Variants in NTNG1 observed in about 807,000 individuals in gnomAD.
NTNG1 encodes the protein netrin-G1.
Under a neutral mutation model 54.0 loss-of-function variants are expected in NTNG1, and 16 were observed. The observed-to-expected ratio is 0.30, with a 90% CI of 0.20 to 0.45. The LOEUF (loss-of-function observed/expected upper bound fraction) is 0.45. Ranked by LOEUF, NTNG1 falls within the 20% of genes least tolerant of loss-of-function variation. NTNG1 has a pLI of 1.00. For synonymous variants in NTNG1, 255 were observed against 263.1 expected, an observed-to-expected ratio of 0.97 and a Z score of 0.30; for missense variants, 530 against 678.7, an observed-to-expected ratio of 0.78 and a Z score of 2.43.
intron 3 of NTNG1, among the ~76,000 whole-genome samples, chr1:107,328,307 C>T (rs928425185): frequency 2.1e-4 from 32 of 152,048 alleles, no homozygotes; most frequent in African/African-American, 6.8e-4. Context: ...AATTAAAGAG[C>T]GGCTCTCTTA....
At chr1:107,223,236 G>T (rs1039275683) in intron 2 of NTNG1, among the ~76,000 whole-genome samples, 2 of 151,972 alleles carry the variant, frequency 1.3e-5, no homozygotes, top group Non-Finnish European at 2.9e-5. Context: ...AAAAGGAGGC[G>T]AGAACACGCA....
chr1:107,377,885 G>A (rs1243679296), intron 3 of NTNG1, among the ~76,000 whole-genome samples: 2 of 152,182 alleles, frequency 1.3e-5, no homozygotes, highest in Non-Finnish European at 2.9e-5. Flanking sequence ...CAGGATCAGG[G>A]CATTCCCAAC....
intron 2 of NTNG1, among the ~76,000 whole-genome samples, chr1:107,195,252 C>T (rs2101230016): frequency 6.6e-6 from 1 of 152,052 alleles, no homozygotes; most frequent in Non-Finnish European, 1.5e-5. Context: ...GCATCTGCCC[C>T]ATTAATAAAT....
chr1:107,461,624 C>T (rs991808714), intron 7 of NTNG1, among the ~76,000 whole-genome samples: 6 of 151,826 alleles, frequency 4.0e-5, no homozygotes, highest in Admixed American at 3.9e-4. Context: ...ACCTCTGCCT[C>T]CCGGGTTCAA....
chr1:107,480,576 G>GCCCCCCC, intron 7 of NTNG1, 35 bp from the exon 8 acceptor site: 4 of 339,098 alleles, frequency 1.2e-5, no homozygotes, highest in South Asian at 3.6e-5. Context: ...TCCTCCCCGC[G>GCCCCCCC]CCCACCCACC....
At chr1:107,418,450 G>T in intron 5 of NTNG1, 1 of 563,768 alleles carries the variant, frequency 1.8e-6, no homozygotes, top group East Asian at 3.0e-5. Flanking sequence ...GTCATGTTTT[G>T]TTTAAGTGCA....
intron 2 of NTNG1, among the ~76,000 whole-genome samples, chr1:107,215,640 A>C (rs917475648): frequency 7.2e-5 from 11 of 151,902 alleles, no homozygotes; most frequent in Non-Finnish European, 1.2e-4. Context: ...GTTGTTCCAT[A>C]TGAATTTTGA....
chr1:107,161,629 C>G (rs1164094881), intron 2 of NTNG1, among the ~76,000 whole-genome samples: 1 of 150,944 alleles, frequency 6.6e-6, no homozygotes, highest in Non-Finnish European at 1.5e-5. Flanking sequence ...CCACTGCACG[C>G]CAGCCTGGGT....
At chr1:107,327,714 CCATAAT>C (rs1197716589) in intron 3 of NTNG1, among the ~76,000 whole-genome samples, 19 of 151,820 alleles carry the variant, frequency 1.3e-4, no homozygotes, top group Non-Finnish European at 2.8e-4. Context: ...CCCCACCCCA[CCATAAT>C]GTGGAAATTG....
chr1:107,148,955 G>C, intron 2 of NTNG1, 116 bp downstream of exon 2: 1 of 1,046,958 alleles, frequency 9.6e-7, no homozygotes. Context: ...GCAGGTGGCA[G>C]ATTTGTGTTA....
At chr1:107,162,841 C>G (rs1655510600) in intron 2 of NTNG1, among the ~76,000 whole-genome samples, 1 of 152,084 alleles carries the variant, frequency 6.6e-6, no homozygotes, top group Non-Finnish European at 1.5e-5. Context: ...TGCTTTAAAA[C>G]TGGAAGTCTT....
chr1:107,359,851 A>G lies in NTNG1; in HGVS notation c.887+34929A>G, dbSNP rs4593852. 8.5e-5 allele frequency among the ~76,000 whole-genome samples: 13 copies of G among 152,070 alleles called. No individual in the cohort carries two copies. The South Asian group carries it at 1.9e-3, about 22-fold the overall frequency. On this transcript the variant is annotated intron_variant, in intron 3 of 7. Transcript: ENST00000370068. ...AAGGAAAAGAGAGAAGTGGAAATAC[A>G]TATTTATAGAAAACAGTATTTTCTC... is the stretch of plus-strand genomic sequence containing the variant.
intron 6 of NTNG1, 70 bp from the exon 7 acceptor site, chr1:107,436,595 C>T (rs1193452888): frequency 1.1e-5 from 15 of 1,347,144 alleles, no homozygotes; most frequent in African/African-American, 2.9e-5. Context: ...AAGTACGTGA[C>T]GCTCCTGTGT....
chr1:107,196,643 C>CAGTAA (rs1658356403), intron 2 of NTNG1, among the ~76,000 whole-genome samples: 1 of 151,898 alleles, frequency 6.6e-6, no homozygotes, highest in Non-Finnish European at 1.5e-5. Flanking sequence ...ATGATGACAA[C>CAGTAA]ATAACACCCA....
At chr1:107,457,952 G>A (rs1043351239) in intron 7 of NTNG1, among the ~76,000 whole-genome samples, 5 of 152,050 alleles carry the variant, frequency 3.3e-5, no homozygotes, top group Admixed American at 2.0e-4. Context: ...GAATGAGCCC[G>A]TCCTCAGCAT....
intron 2 of NTNG1, among the ~76,000 whole-genome samples, chr1:107,255,736 A>G (rs7512656): frequency 0.014 from 2,099 of 152,256 alleles, 52 homozygotes; most frequent in African/African-American, 0.047. Flanking sequence ...TGCCTATATA[A>G]CAAGTTTTCT....
chr1:107,192,711 G>C (rs1658052594), intron 2 of NTNG1, among the ~76,000 whole-genome samples: 1 of 151,964 alleles, frequency 6.6e-6, no homozygotes, highest in Non-Finnish European at 1.5e-5. Flanking sequence ...TGCCATTCCT[G>C]GGTAACTAAA....
chr1:107,394,280 G>A (rs1398575065), intron 3 of NTNG1, among the ~76,000 whole-genome samples: 1 of 152,142 alleles, frequency 6.6e-6, no homozygotes, highest in Admixed American at 6.6e-5. Context: ...GTTAGCCACT[G>A]CAATTTTATA....
At chr1:107,321,266 A>C (rs900467685) in intron 2 of NTNG1, among the ~76,000 whole-genome samples, 8 of 152,146 alleles carry the variant, frequency 5.3e-5, no homozygotes, top group Non-Finnish European at 7.4e-5. Flanking sequence ...TTGAGAGCCA[A>C]GCTGAGTGCC....
Sources: allele counts gnomAD v4.1 joint callset (sites outside exome capture counted in the v4.1 genomes callset), GRCh38; gene constraint gnomAD v4.1.1; transcripts MANE v1.5; gene names NCBI Gene and HGNC (gene_info 2026-07-23, HGNC 2026-07-21).